SPMIP2: variants seen among roughly 807,000 people sequenced by gnomAD.
The protein encoded by SPMIP2 is protein SPMIP2.
chr4:158,900,935 G>A, the SPMIP2 span, among the ~76,000 whole-genome samples: 2 of 152,068 alleles, frequency 1.3e-5, no homozygotes, highest in Non-Finnish European at 2.9e-5. Context: ...AGTGTTGATG[G>A]TCTTTACAAT....
At chr4:158,970,521 C>T in the SPMIP2 span, among the ~76,000 whole-genome samples, 7 of 147,864 alleles carry the variant, frequency 4.7e-5, no homozygotes, top group Non-Finnish European at 1.0e-4. Flanking sequence ...GCCTGGGGGA[C>T]ACAGTGAGAC....
At chr4:159,029,253 C>T in the SPMIP2 span, among the ~76,000 whole-genome samples, 1 of 152,062 alleles carries the variant, frequency 6.6e-6, no homozygotes, top group Non-Finnish European at 1.5e-5. Flanking sequence ...TCACAGTTAT[C>T]GAAAACATGA....
At chr4:158,962,567 G>GT in the SPMIP2 span, among the ~76,000 whole-genome samples, 1 of 152,108 alleles carries the variant, frequency 6.6e-6, no homozygotes, top group Non-Finnish European at 1.5e-5. Context: ...TTATGCTAAT[G>GT]TATTTTTTCC....
the SPMIP2 span, among the ~76,000 whole-genome samples, chr4:158,999,194 AC>A: frequency 1.2e-4 from 18 of 150,772 alleles, no homozygotes; most frequent in South Asian, 2.1e-4. Context: ...ACAAAAAAAA[AC>A]CCAAAAAAAC....
the SPMIP2 span, chr4:159,007,575 A>C: frequency 9.0e-7 from 1 of 1,105,454 alleles, no homozygotes; most frequent in African/African-American, 1.6e-5. Flanking sequence ...GAATGCCGTC[A>C]AAAGCAAAGT....
At chr4:159,019,747 TG>T in the SPMIP2 span, among the ~76,000 whole-genome samples, 1 of 152,138 alleles carries the variant, frequency 6.6e-6, no homozygotes, top group Non-Finnish European at 1.5e-5. Flanking sequence ...AACAAGGTTT[TG>T]CTGACCTGGA....
chr4:158,938,705 G>A, the SPMIP2 span, among the ~76,000 whole-genome samples: 1 of 152,216 alleles, frequency 6.6e-6, no homozygotes, highest in African/African-American at 2.4e-5. Context: ...AATCAAGCAT[G>A]TTGTCTTCCT....
At chr4:158,946,394 T>C in the SPMIP2 span, among the ~76,000 whole-genome samples, 1 of 104,380 alleles carries the variant, frequency 9.6e-6, no homozygotes, top group Admixed American at 1.1e-4. Context: ...GAATCCCAAA[T>C]TGTAATCCCC....
At chr4:158,943,235 T>C in the SPMIP2 span, among the ~76,000 whole-genome samples, 1 of 152,356 alleles carries the variant, frequency 6.6e-6, no homozygotes, top group East Asian at 1.9e-4. Flanking sequence ...GCTTAGTTCA[T>C]CTGGAATTAA....
the SPMIP2 span, among the ~76,000 whole-genome samples, chr4:158,999,204 A>C: frequency 6.6e-6 from 1 of 151,934 alleles, no homozygotes; most frequent in Non-Finnish European, 1.5e-5. Flanking sequence ...ACCCAAAAAA[A>C]CCCATTGACT....
the SPMIP2 span, among the ~76,000 whole-genome samples, chr4:158,947,555 G>A: frequency 1.3e-5 from 2 of 152,138 alleles, no homozygotes; most frequent in Non-Finnish European, 2.9e-5. Context: ...TAACATTCCT[G>A]TTGACTATTG....
At chr4:158,894,937 C>T in the SPMIP2 span, among the ~76,000 whole-genome samples, 1 of 152,106 alleles carries the variant, frequency 6.6e-6, no homozygotes, top group African/African-American at 2.4e-5. Context: ...AATCTTTTTA[C>T]CTTGAAAATA....
the SPMIP2 span, among the ~76,000 whole-genome samples, chr4:158,972,172 G>A: frequency 1.3e-5 from 2 of 152,148 alleles, no homozygotes; most frequent in Non-Finnish European, 2.9e-5. Flanking sequence ...GACCAGCCTG[G>A]CCAGCATGGC....
At chr4:159,035,276 G>T in the SPMIP2 span, 4 of 556,728 alleles carry the variant, frequency 7.2e-6, no homozygotes, top group Admixed American at 3.2e-5. Context: ...GCAGAGTTCT[G>T]CATTCCAATC....
chr4:158,935,065 AG>A, the SPMIP2 span, among the ~76,000 whole-genome samples: 4 of 152,206 alleles, frequency 2.6e-5, no homozygotes, highest in Non-Finnish European at 4.4e-5. Flanking sequence ...TTTAGTGTGG[AG>A]TTTAAAACAC....
At chr4:158,893,481 A>G in the SPMIP2 span, 416 of 509,890 alleles carry the variant, frequency 8.2e-4, 9 homozygotes, top group East Asian at 0.012. Flanking sequence ...ATGATAGTCA[A>G]TAACAATTAG....
chr4:158,945,071 A>G, the SPMIP2 span, among the ~76,000 whole-genome samples: 2 of 152,104 alleles, frequency 1.3e-5, no homozygotes, highest in African/African-American at 4.8e-5. Context: ...CGGTCTCTGT[A>G]CTGTTCATGA....
At chr4:158,980,241 C>T in the SPMIP2 span, among the ~76,000 whole-genome samples, 1 of 152,166 alleles carries the variant, frequency 6.6e-6, no homozygotes, top group African/African-American at 2.4e-5. Context: ...CTCCCTGGGA[C>T]AGAGCATATG....
the SPMIP2 span, among the ~76,000 whole-genome samples, chr4:159,076,511 G>C: frequency 6.6e-6 from 1 of 151,908 alleles, no homozygotes; most frequent in Non-Finnish European, 1.5e-5. Context: ...TATTTTAAAT[G>C]CCTAATAAAA....
Sources: allele counts gnomAD v4.1 joint callset (sites outside exome capture counted in the v4.1 genomes callset), GRCh38; gene constraint gnomAD v4.1.1; transcripts MANE v1.5; gene names NCBI Gene and HGNC (gene_info 2026-07-23, HGNC 2026-07-21).